CMTM7: variants seen among roughly 807,000 people sequenced by gnomAD.
The protein encoded by CMTM7 is CKLF like MARVEL transmembrane domain containing 7.
Under a neutral mutation model 19.3 loss-of-function variants are expected in CMTM7, and 7 were observed. The observed-to-expected ratio is 0.36, with a 90% CI of 0.21 to 0.68. The LOEUF (loss-of-function observed/expected upper bound fraction) is 0.68, where lower values mean the gene tolerates loss of function less well. CMTM7 is among the 30% of genes least tolerant of loss of function. CMTM7 has a pLI of 0.60. For synonymous variants in CMTM7, 87 were observed against 99.3 expected (o/e 0.88, Z 0.74); for missense variants, 193 against 232.6 (o/e 0.83, Z 1.11).
chr3:32,430,222 G>A (rs75795352), intron 1 of CMTM7, among the ~76,000 whole-genome samples: 3,531 of 152,196 alleles, frequency 0.023, 130 homozygotes, highest in African/African-American at 0.08. Flanking sequence ...CCTCGTACTT[G>A]TTTGCTCCCA....
At chr3:32,444,562 C>T (rs532201035) in intron 2 of CMTM7, among the ~76,000 whole-genome samples, 6 of 152,186 alleles carry the variant, frequency 3.9e-5, no homozygotes, top group South Asian at 2.1e-4. Context: ...ATTTTAGAAT[C>T]GGGTTTTCAA....
intron 1 of CMTM7, among the ~76,000 whole-genome samples, chr3:32,404,623 T>C (rs1696063687): frequency 6.6e-6 from 1 of 152,238 alleles, no homozygotes; most frequent in African/African-American, 2.4e-5. Context: ...GTCTTCTTTT[T>C]CCACCGTGGT....
chr3:32,408,599 AG>A (rs1309546494), intron 1 of CMTM7, among the ~76,000 whole-genome samples: 1 of 152,204 alleles, frequency 6.6e-6, no homozygotes, highest in African/African-American at 2.4e-5. Flanking sequence ...CTCAGATGGC[AG>A]GGTGGGGGCA....
At position 32,434,017 on chromosome 3, in the gene CMTM7, A is replaced by C. The variant is rs573599290; in HGVS notation, c.160-7823A>C. Among the ~76,000 whole-genome samples, 4 of 151,994 alleles carry C rather than the reference A, an allele frequency of 2.6e-5. No individual in the cohort carries two copies. The South Asian group carries it at 6.3e-4, about 24-fold the overall frequency. On this transcript the variant is annotated intron_variant, in intron 1 of 4. Transcript: ENST00000334983. ...AGCCTGGCCAACGTGGTGAAATCCT[A>C]TCTCTACTAAAATACAAAAAAAATA...
chr3:32,399,005 G>A (rs1695960109), intron 1 of CMTM7, among the ~76,000 whole-genome samples: 1 of 152,066 alleles, frequency 6.6e-6, no homozygotes, highest in African/African-American at 2.4e-5. Flanking sequence ...AGAAAAGAAA[G>A]AGCACGGACC....
chr3:32,400,658 T>C (rs1695989354), intron 1 of CMTM7, among the ~76,000 whole-genome samples: 1 of 152,234 alleles, frequency 6.6e-6, no homozygotes. Context: ...CCCAAAGTGC[T>C]GGGATTACAG....
At chr3:32,393,340 G>A (rs555586365) in intron 1 of CMTM7, among the ~76,000 whole-genome samples, 6 of 152,330 alleles carry the variant, frequency 3.9e-5, no homozygotes, top group African/African-American at 1.4e-4. Context: ...TGTTGGGTTT[G>A]AGCAGGGCAT....
At chr3:32,452,658 T>C (rs1696854320) in intron 4 of CMTM7, among the ~76,000 whole-genome samples, 185 bp downstream of exon 4, 1 of 152,000 alleles carries the variant, frequency 6.6e-6, no homozygotes, top group African/African-American at 2.4e-5. Flanking sequence ...CCCCTCACAT[T>C]CCCATCTCCA....
At chr3:32,431,598 G>A (rs556319221) in intron 1 of CMTM7, among the ~76,000 whole-genome samples, 46 of 152,190 alleles carry the variant, frequency 3.0e-4, no homozygotes, top group African/African-American at 7.9e-4. Context: ...TTAGGCCCTC[G>A]ACTGAAAACA....
rs1238089601 is a variant in CMTM7, at chr3:32,429,663, C to T, written c.160-12177C>T. ...TCGCCCAGGCTGGAGTGCAGTGGCGCGATCTTGGCTCACTGCAAGCTCTGT... is the reference window on the plus strand; with the variant it reads ...TCGCCCAGGCTGGAGTGCAGTGGCGTGATCTTGGCTCACTGCAAGCTCTGT... On this transcript the variant is annotated intron_variant, in intron 1 of 4. Transcript: ENST00000334983. 4.1e-5 allele frequency among the ~76,000 whole-genome samples: 6 copies of T among 147,678 alleles called. No individual in the cohort carries two copies. The South Asian group carries it at 6.5e-4, about 16-fold the overall frequency.
intron 3 of CMTM7, chr3:32,451,182 C>T (rs761398637): frequency 2.0e-5 from 3 of 152,272 alleles, no homozygotes; most frequent in Non-Finnish European, 4.4e-5. Context: ...AAAAGAAACC[C>T]GGGGAAGAAG....
chr3:32,437,188 G>A (rs2125637678), intron 1 of CMTM7, among the ~76,000 whole-genome samples: 1 of 152,306 alleles, frequency 6.6e-6, no homozygotes, highest in South Asian at 2.1e-4. Context: ...AAGGACACAG[G>A]TTCCAGGGAG....
At chr3:32,407,489 T>C (rs1696106381) in intron 1 of CMTM7, among the ~76,000 whole-genome samples, 1 of 152,196 alleles carries the variant, frequency 6.6e-6, no homozygotes, top group African/African-American at 2.4e-5. Context: ...ACCACATCTT[T>C]TGTAACTCCT....
intron 1 of CMTM7, among the ~76,000 whole-genome samples, chr3:32,424,771 C>T (rs950929649): frequency 2.6e-5 from 4 of 152,104 alleles, no homozygotes; most frequent in East Asian, 3.9e-4. Context: ...CTCGGCCTTC[C>T]GAGTAGCTGG....
At chr3:32,397,132 TTTACTAGA>T (rs1695930096) in intron 1 of CMTM7, among the ~76,000 whole-genome samples, 2 of 152,116 alleles carry the variant, frequency 1.3e-5, no homozygotes, top group Admixed American at 6.5e-5. Context: ...GTCAAAGTAG[TTTACTAGA>T]CGCCACTCAA....
chr3:32,452,639 C>T (rs1696854168), intron 4 of CMTM7, among the ~76,000 whole-genome samples, 166 bp downstream of exon 4: 1 of 152,156 alleles, frequency 6.6e-6, no homozygotes, highest in South Asian at 2.1e-4. Context: ...AGATGTGACC[C>T]CAGAATCTCC....
chr3:32,412,020 A>G (rs1165600531), intron 1 of CMTM7, among the ~76,000 whole-genome samples: 5 of 152,234 alleles, frequency 3.3e-5, no homozygotes, highest in Admixed American at 2.6e-4. Context: ...CTTCTTGGTC[A>G]GTTCATAAAG....
chr3:32,439,976 A>C (rs1302690290), intron 1 of CMTM7, among the ~76,000 whole-genome samples: 1 of 152,098 alleles, frequency 6.6e-6, no homozygotes, highest in Non-Finnish European at 1.5e-5. Flanking sequence ...AAATTGTGTA[A>C]ACCAAAAATA....
rs1020511195 is a variant in CMTM7, at chr3:32,434,472, A to T, written c.160-7368A>T. Among the ~76,000 whole-genome samples the T allele has an allele frequency of 1.4e-3, 212 of 148,410 alleles. 2 individuals carry two copies. The highest frequency in any genetic ancestry group is 3.4e-3 in the Middle Eastern group (1 of 290). ...CCACCATGCCTGGCCAATTTTAAAA[A>T]TTTTTTTTTTTTGTAGAGATGCGGG... On this transcript the variant is annotated intron_variant, in intron 1 of 4. Transcript: ENST00000334983.
Sources: gnomAD v4.1 joint callset for allele counts (sites outside exome capture counted in the v4.1 genomes callset) on GRCh38, gnomAD v4.1.1 for gene constraint, MANE v1.5 for transcripts, NCBI Gene and HGNC (gene_info 2026-07-23, HGNC 2026-07-21) for gene names.